Variants in LGR6 observed in about 807,000 individuals in gnomAD.
LGR6 encodes leucine rich repeat containing G protein-coupled receptor 6.
A neutral mutation model predicts 69.4 loss-of-function variants in LGR6; 45 were observed. The ratio of observed to expected loss-of-function variants is 0.65; its 90% CI spans 0.51 to 0.83. The LOEUF (loss-of-function observed/expected upper bound fraction) is 0.83. Ranked by LOEUF, LGR6 falls within the 40% of genes least tolerant of loss-of-function variation. The probability of loss-of-function intolerance (pLI) is 0.00; values close to 1 mark genes in which losing one functional copy is unlikely to be tolerated. For synonymous variants in LGR6, 538 were observed against 555.0 expected (o/e 0.97, Z 0.43); for missense variants, 1,108 against 1,246.7 (o/e 0.89, Z 1.68).
chr1:202,276,767 T>C (rs1206694515), intron 5 of LGR6, among the ~76,000 whole-genome samples: 2 of 152,216 alleles, frequency 1.3e-5, no homozygotes, highest in South Asian at 2.1e-4. Flanking sequence ...CAGGGTACTA[T>C]AATCAGAAAA....
At chr1:202,204,907 AAC>A (rs1233744768) in intron 1 of LGR6, among the ~76,000 whole-genome samples, 24 of 3,154 alleles carry the variant, frequency 7.6e-3, no homozygotes, top group South Asian at 0.013. Context: ...CACACCTCCA[AAC>A]ACACACACAC....
At chr1:202,203,916 T>TTAGCACAGAGGGGGTGCGA in intron 1 of LGR6, 1 of 1,462,744 alleles carries the variant, frequency 6.8e-7, no homozygotes, top group East Asian at 2.3e-5. Flanking sequence ...TGGGGGGTGT[T>TTAGCACAGAGGGGGTGCGA]TAGCACAGAG....
intron 4 of LGR6, among the ~76,000 whole-genome samples, chr1:202,262,004 G>A (rs890061537): frequency 1.3e-5 from 2 of 152,094 alleles, no homozygotes; most frequent in African/African-American, 2.4e-5. Flanking sequence ...AGGTGAGTAG[G>A]TTGCGAAAAT....
chr1:202,205,946 AACAC>A (rs754002869), intron 1 of LGR6, among the ~76,000 whole-genome samples: 7 of 138,548 alleles, frequency 5.1e-5, no homozygotes, highest in Non-Finnish European at 9.4e-5. Flanking sequence ...ATCCTTCAAG[AACAC>A]ACACACACAC....
intron 11 of LGR6, 70 bp downstream of exon 11, chr1:202,304,700 C>T: frequency 2.4e-6 from 3 of 1,236,970 alleles, no homozygotes; most frequent in East Asian, 4.7e-5. Flanking sequence ...AAAGGCCTCT[C>T]CTGCTTCTGT....
chr1:202,266,647 G>T (rs1176845895), intron 4 of LGR6, among the ~76,000 whole-genome samples: 8 of 152,078 alleles, frequency 5.3e-5, no homozygotes, highest in Non-Finnish European at 1.0e-4. Context: ...CAGATGAGTT[G>T]TTCTCCTCTC....
At chr1:202,282,519 T>A (rs570869314) in intron 6 of LGR6, among the ~76,000 whole-genome samples, 2 of 152,326 alleles carry the variant, frequency 1.3e-5, no homozygotes, top group East Asian at 3.9e-4. Context: ...TGCAAAAGCC[T>A]GTGTGCCCAC....
At chr1:202,275,985 GAGGATCAAGA>G (rs1432391730) in intron 4 of LGR6, among the ~76,000 whole-genome samples, 5 of 152,186 alleles carry the variant, frequency 3.3e-5, no homozygotes, top group African/African-American at 9.7e-5. Flanking sequence ...ATATGGTGTA[GAGGATCAAGA>G]AGGATCAAGA....
Position 202,276,489 on chromosome 1 carries a change from C to T in LGR6, c.612C>T (p.Tyr204=), listed in dbSNP as rs776399629. Residue 204 remains tyrosine (Y), a synonymous_variant, in exon 5 of 18, where the codon TAC becomes TAT. Transcript: ENST00000367278. ...ALNRISHIPD[Y]AFQNLTSLVV... ...ACCGCATCAGCCACATCCCCGACTACGCGTTCCAGAATCTCACCAGCCTTG... is the reference window on the plus strand; with the variant it reads ...ACCGCATCAGCCACATCCCCGACTATGCGTTCCAGAATCTCACCAGCCTTG... The T allele has an allele frequency of 2.5e-5, 40 of 1,614,028 alleles. No individual in the cohort carries two copies. The highest frequency in any genetic ancestry group is 1.3e-4 in the East Asian group (6 of 44,894).
intron 4 of LGR6, among the ~76,000 whole-genome samples, chr1:202,263,148 G>T (rs1034960525): frequency 6.6e-6 from 1 of 151,716 alleles, no homozygotes; most frequent in Non-Finnish European, 1.5e-5. Context: ...TCTGAGACAG[G>T]GTCTCACTCT....
At chr1:202,284,967 A>T (rs1158461095) in intron 6 of LGR6, among the ~76,000 whole-genome samples, 3 of 152,192 alleles carry the variant, frequency 2.0e-5, no homozygotes, top group African/African-American at 7.2e-5. Context: ...TTCCCTTTGG[A>T]GGAGAGCCTG....
At chr1:202,276,270 C>G in intron 4 of LGR6, 36 bp from the exon 5 acceptor site, 1 of 1,566,204 alleles carries the variant, frequency 6.4e-7, no homozygotes, top group Non-Finnish European at 8.8e-7. Context: ...TGCATCTTGC[C>G]CTGGATTGAC....
At chr1:202,298,743 A>G (rs899002261) in intron 7 of LGR6, 1 of 151,876 alleles carries the variant, frequency 6.6e-6, no homozygotes, top group African/African-American at 2.4e-5. Flanking sequence ...GATGGTCTCT[A>G]TCTCTTGACT....
intron 16 of LGR6, among the ~76,000 whole-genome samples, chr1:202,312,956 C>T (rs1178213638): frequency 6.6e-6 from 1 of 152,054 alleles, no homozygotes; most frequent in Non-Finnish European, 1.5e-5. Context: ...AGGCCGGGCA[C>T]GGTGGCTCAC....
At chr1:202,311,486 C>G (rs1161232991) in intron 16 of LGR6, among the ~76,000 whole-genome samples, 1 of 152,126 alleles carries the variant, frequency 6.6e-6, no homozygotes, top group Non-Finnish European at 1.5e-5. Flanking sequence ...ATGGTGAAAC[C>G]CCTTCTCTAC....
In LGR6 at chr1:202,310,196, G is replaced by A; in HGVS notation, c.1407-1G>A. 1 of 1,613,674 alleles carries A rather than the reference G, an allele frequency of 6.2e-7. No individual in the cohort carries two copies. Among genetic ancestry groups the A allele is most frequent in the Non-Finnish European group, 8.5e-7 (1 of 1,179,784 alleles). ...CAATCAGCCTGCCTCTCCCCCACCA[G>A]GATCCTGGAGGTGCCTTATGCCTAC... On this transcript the variant is annotated splice_acceptor_variant, in intron 15 of 17. Transcript: ENST00000367278. LOFTEE classifies it high-confidence loss of function.
At position 202,318,411 on chromosome 1, in the gene LGR6, T is replaced by C; in HGVS notation, c.2108T>C (p.Leu703Pro). Residue 703 changes from leucine to proline, a missense_variant, in exon 18 of 18, where the codon CTG becomes CCG. Physicochemically the swap from Leu to Pro is moderately conservative, Grantham distance 98. Coordinates refer to ENST00000367278, the MANE Select transcript of LGR6 (RefSeq NM_001017403.2). Reference sequence around the variant, plus strand: ...GCACTGGCAGGGCTGGCCGCCGCGCTGCCCCTGGCCTCAGTGGGAGAATAC... The same window carrying C: ...GCACTGGCAGGGCTGGCCGCCGCGCCGCCCCTGGCCTCAGTGGGAGAATAC... ...CLALAGLAAA[L>P]PLASVGEYGA... 1.2e-6 allele frequency: 2 copies of C among 1,608,496 alleles called. No individual in the cohort carries two copies. The highest frequency in any genetic ancestry group is 1.7e-6 in the Non-Finnish European group (2 of 1,177,440).
intron 17 of LGR6, among the ~76,000 whole-genome samples, chr1:202,316,226 A>C (rs1654131417): frequency 6.6e-6 from 1 of 152,182 alleles, no homozygotes; most frequent in African/African-American, 2.4e-5. Flanking sequence ...GGTGGCTGGG[A>C]GGTTCAAGAT....
chr1:202,281,856 G>A (rs1571957385), intron 6 of LGR6, among the ~76,000 whole-genome samples: 2 of 151,998 alleles, frequency 1.3e-5, no homozygotes, highest in African/African-American at 4.8e-5. Flanking sequence ...AGAATCCGAA[G>A]CAGCAGAGGA....
Sources: allele counts gnomAD v4.1 joint callset (sites outside exome capture counted in the v4.1 genomes callset), GRCh38; gene constraint gnomAD v4.1.1; transcripts MANE v1.5; gene names NCBI Gene and HGNC (gene_info 2026-07-23, HGNC 2026-07-21).